The following ELAPOR2 variants were observed in gnomAD, a reference collection of about 807,000 sequenced individuals.
The protein encoded by ELAPOR2 is endosome/lysosome-associated apoptosis and autophagy regulator family member 2.
ELAPOR2 carries 89 observed loss-of-function variants against 120.7 expected under a neutral mutation model. The observed-to-expected ratio is 0.74, with a 90% CI of 0.62 to 0.88. The LOEUF (loss-of-function observed/expected upper bound fraction) is 0.88. ELAPOR2 is among the 40% of genes least tolerant of loss of function. The probability of loss-of-function intolerance (pLI) is 0.00; values close to 1 mark genes in which losing one functional copy is unlikely to be tolerated. For missense variants in ELAPOR2, 1,134 were observed against 1,251.6 expected (o/e 0.91, Z 1.42); for synonymous variants, 444 against 444.9 (o/e 1.00, Z 0.03).
chr7:86,912,182 A>G lies in ELAPOR2; in HGVS notation c.2059T>C (p.Tyr687His), dbSNP rs1789346329. 1 of 1,611,624 alleles carries G rather than the reference A, an allele frequency of 6.2e-7. No individual in the cohort carries two copies. Among genetic ancestry groups the G allele is most frequent in the Non-Finnish European group, 8.5e-7 (1 of 1,177,956 alleles). The change falls in exon 15 of 22, where the codon TAT (tyrosine) becomes CAT (histidine). Residue 687 changes from tyrosine to histidine, a missense_variant. This residue lies in a region of ELAPOR2 where 831 missense variants were observed against 867.6 expected (regional missense o/e 0.96). Transcript: ENST00000450689. ...YHEKENQSLH[Y>H]DFSNLSSVGS... ...ACACTGCTGAGGTTGCTAAAGTCAT[A>G]GTGCAAACTCTGATTTTCTTTTTCA... is the stretch of plus-strand genomic sequence containing the variant.
chr7:86,908,076 C>T (rs993405270), intron 17 of ELAPOR2, among the ~76,000 whole-genome samples: 1 of 150,938 alleles, frequency 6.6e-6, no homozygotes, highest in Non-Finnish European at 1.5e-5. Flanking sequence ...TAGGCCAATG[C>T]TTTGATATAT....
chr7:86,970,785 ATCTG>A (rs527418568), intron 1 of ELAPOR2, among the ~76,000 whole-genome samples: 214 of 152,272 alleles, frequency 1.4e-3, no homozygotes, highest in African/African-American at 4.8e-3. Flanking sequence ...AGTAATATGT[ATCTG>A]ATCTATTTAT....
intron 1 of ELAPOR2, among the ~76,000 whole-genome samples, chr7:87,033,899 T>C (rs1473576119): frequency 6.6e-6 from 1 of 152,068 alleles, no homozygotes; most frequent in Non-Finnish European, 1.5e-5. Context: ...ACATACACAA[T>C]AGATGGTATA....
rs192945348 is a variant in ELAPOR2, at chr7:86,960,719, T to G, written c.310+4185A>C. Among the ~76,000 whole-genome samples the G allele has an allele frequency of 5.9e-5, 9 of 152,330 alleles. No individual in the cohort carries two copies. In the East Asian group the frequency reaches 1.7e-3, roughly 29 times the overall value. On this transcript the variant is annotated intron_variant, in intron 2 of 21. Coordinates refer to ENST00000450689, the MANE Select transcript of ELAPOR2 (RefSeq NM_001142749.3). ...ATTTTGAGTGCATATATATTAATAA[T>G]TATTCTCTCTTCATGTTGAGTTGAC...
intron 21 of ELAPOR2, among the ~76,000 whole-genome samples, chr7:86,889,200 C>A (rs1799835050): frequency 6.6e-6 from 1 of 152,078 alleles, no homozygotes; most frequent in East Asian, 1.9e-4. Context: ...CCTATACTTT[C>A]TCTTTGAGAA....
chr7:87,016,639 C>T (rs1045490427), intron 1 of ELAPOR2, among the ~76,000 whole-genome samples: 3 of 149,186 alleles, frequency 2.0e-5, no homozygotes, highest in South Asian at 4.2e-4. Flanking sequence ...CATCCAGTTC[C>T]GTAACTATAC....
At chr7:86,939,115 T>C (rs1273859881) in intron 6 of ELAPOR2, among the ~76,000 whole-genome samples, 155 bp from the exon 7 acceptor site, 1 of 152,070 alleles carries the variant, frequency 6.6e-6, no homozygotes, top group Non-Finnish European at 1.5e-5. Context: ...TAAGAAAGCA[T>C]TTATTGTGTA....
intron 8 of ELAPOR2, among the ~76,000 whole-genome samples, chr7:86,930,992 G>C (rs911929536): frequency 2.0e-5 from 3 of 151,902 alleles, no homozygotes; most frequent in African/African-American, 7.2e-5. Flanking sequence ...GATAAGACAG[G>C]TTCACAGCTA....
intron 1 of ELAPOR2, among the ~76,000 whole-genome samples, chr7:87,053,587 A>T (rs1179722150): frequency 6.6e-6 from 1 of 152,136 alleles, no homozygotes; most frequent in Admixed American, 6.5e-5. Flanking sequence ...GCCCTTGGAG[A>T]GAGCACAACT....
intron 2 of ELAPOR2, among the ~76,000 whole-genome samples, chr7:86,949,255 A>G (rs1238743039): frequency 1.3e-5 from 2 of 152,228 alleles, no homozygotes; most frequent in Non-Finnish European, 2.9e-5. Context: ...ACCACTTCCT[A>G]ATTCTATGAC....
Position 87,059,620 on chromosome 7 carries a change from C to A in ELAPOR2, c.-107G>T, listed in dbSNP as rs903241946. The A allele has an allele frequency of 5.5e-6, 6 of 1,083,382 alleles. No individual in the cohort carries two copies. The highest frequency in any genetic ancestry group is 3.4e-6 in the Non-Finnish European group (3 of 889,682). 67.1% of individuals were successfully genotyped at this position (1,083,382 alleles called of 1,614,324 possible). ...CTGCTGTGCGCTCGTCTCGCCGCTC[C>A]GTCACCCGCTGCCCGTCCGCCCGCT... On this transcript the variant is annotated 5_prime_UTR_variant, in exon 1 of 22. Coordinates refer to ENST00000450689, the MANE Select transcript of ELAPOR2 (RefSeq NM_001142749.3).
chr7:86,997,915 TA>T (rs764071241), intron 1 of ELAPOR2, among the ~76,000 whole-genome samples: 34 of 152,192 alleles, frequency 2.2e-4, no homozygotes, highest in Non-Finnish European at 4.1e-4. Context: ...TGTTTTCACA[TA>T]GGAAACACCA....
At chr7:86,928,589 G>T (rs374278559) in intron 8 of ELAPOR2, among the ~76,000 whole-genome samples, 2 of 151,816 alleles carry the variant, frequency 1.3e-5, no homozygotes, top group African/African-American at 4.8e-5. Flanking sequence ...TATAAATGAG[G>T]AAACACTCCA....
intron 1 of ELAPOR2, among the ~76,000 whole-genome samples, chr7:87,028,522 T>C (rs1794322406): frequency 6.6e-6 from 1 of 152,066 alleles, no homozygotes; most frequent in Admixed American, 6.6e-5. Flanking sequence ...CCAAAATACA[T>C]ATATATAAAT....
In ELAPOR2 at chr7:86,926,920, CAAAAAAAA is replaced by C. The variant is rs397698585; in HGVS notation, c.1090-12_1090-5del. 3.2e-5 allele frequency: 28 copies of C among 886,838 alleles called. No homozygotes were observed. The highest frequency in any genetic ancestry group is 1.4e-4 in the East Asian group (3 of 22,072). 54.9% of individuals were successfully genotyped at this position (886,838 alleles called of 1,614,324 possible). A position where few individuals can be genotyped will look rare whatever the true frequency, so the allele number is the denominator to read the frequency against. On this transcript the variant is annotated splice_polypyrimidine_tract_variant and splice_region_variant and intron_variant, in intron 8 of 21. Transcript: ENST00000450689. ...TCCACTTGTACATTATCTGTGTCTA[CAAAAAAAA>C]AAAAAAAAAAAAAGCAACCAAGTCA...
At chr7:87,053,881 C>A (rs1795187864) in intron 1 of ELAPOR2, among the ~76,000 whole-genome samples, 1 of 152,142 alleles carries the variant, frequency 6.6e-6, no homozygotes, top group African/African-American at 2.4e-5. Context: ...CCACCTGCTC[C>A]CAGCCCCTAA....
chr7:86,940,083 G>A lies in ELAPOR2; in HGVS notation c.774C>T (p.Tyr258=). 6.2e-7 allele frequency: 1 copy of A among 1,612,090 alleles called. No homozygotes were observed. The highest frequency in any genetic ancestry group is 8.5e-7 in the Non-Finnish European group (1 of 1,178,714). ...VMLKSGTNIL[Y]WRTTGILMGS... Reference sequence around the variant, plus strand: ...CCATAAGGATGCCTGTAGTTCTCCAGTAGAGTATGTTTGTGCCTGATTTCA... The same window carrying A: ...CCATAAGGATGCCTGTAGTTCTCCAATAGAGTATGTTTGTGCCTGATTTCA... Residue 258 remains tyrosine, a synonymous_variant, in exon 6 of 22, where the codon TAC becomes TAT. Transcript: ENST00000450689.
chr7:86,936,571 A>G (rs950790721), intron 8 of ELAPOR2, among the ~76,000 whole-genome samples: 1 of 152,134 alleles, frequency 6.6e-6, no homozygotes, highest in Non-Finnish European at 1.5e-5. Context: ...CACTGAGTTT[A>G]TAAAGTACTA....
intron 1 of ELAPOR2, among the ~76,000 whole-genome samples, chr7:87,053,149 A>G (rs1248925425): frequency 3.3e-5 from 5 of 152,194 alleles, no homozygotes; most frequent in African/African-American, 1.2e-4. Flanking sequence ...CCAAGAGGAT[A>G]TGTTGATTAG....
Sources: allele counts gnomAD v4.1 joint callset (sites outside exome capture counted in the v4.1 genomes callset), GRCh38; gene constraint gnomAD v4.1.1; regional missense constraint gnomAD v4.1.1; transcripts MANE v1.5; gene names NCBI Gene and HGNC (gene_info 2026-07-23, HGNC 2026-07-21).